Variants in TTC39B observed in about 807,000 individuals in gnomAD.
TTC39B encodes tetratricopeptide repeat protein 39B.
TTC39B carries 92 observed loss-of-function variants against 96.6 expected under a neutral mutation model. That is an observed-to-expected ratio of 0.95 (90% CI 0.80 to 1.13). The LOEUF is 1.13. Ranked by LOEUF, TTC39B falls within the 50% of genes most tolerant of loss-of-function variation. The pLI is 0.00. For synonymous variants in TTC39B, 367 were observed against 299.4 expected, an observed-to-expected ratio of 1.23 and a Z score of -2.33; for missense variants, 955 against 809.3, an observed-to-expected ratio of 1.18 and a Z score of -2.18.
chr9:15,287,731 G>A (rs1434987044), intron 1 of TTC39B, among the ~76,000 whole-genome samples: 1 of 152,046 alleles, frequency 6.6e-6, no homozygotes, highest in Non-Finnish European at 1.5e-5. Flanking sequence ...TGGCTCACAA[G>A]GTCAGGAGAT....
chr9:15,167,016 ATATATATATATATTTTTTTTTTTT>A (rs1442317937), exon 20 of TTC39B: 2 of 6,726 alleles, frequency 3.0e-4, no homozygotes, highest in East Asian at 9.1e-3. Flanking sequence ...ATATATATAT[ATATATATATATATTTTTTTTTTTT>A]TTTTTTTTTT....
chr9:15,273,633 G>A (rs953707131), intron 1 of TTC39B, among the ~76,000 whole-genome samples: 2 of 146,472 alleles, frequency 1.4e-5, no homozygotes, highest in Admixed American at 1.3e-4. Flanking sequence ...AGGGCTTGCA[G>A]ATACCTTCCT....
intron 16 of TTC39B, chr9:15,183,407 G>C (rs1818347949): frequency 2.4e-6 from 1 of 416,204 alleles, no homozygotes; most frequent in Admixed American, 2.8e-5. Flanking sequence ...ATCAGAAGAG[G>C]GCAAGCTCAT....
chr9:15,297,009 GAAAAAA>G (rs1563796961), intron 1 of TTC39B, among the ~76,000 whole-genome samples: 2 of 110,708 alleles, frequency 1.8e-5, no homozygotes, highest in Non-Finnish European at 3.4e-5. Flanking sequence ...GAAAAGAAAA[GAAAAAA>G]GAAAAGCCAA....
intron 17 of TTC39B, among the ~76,000 whole-genome samples, chr9:15,178,636 G>A (rs1818088153): frequency 6.6e-6 from 1 of 152,172 alleles, no homozygotes; most frequent in African/African-American, 2.4e-5. Context: ...TTATTAAGGA[G>A]TTCACTCTAT....
intron 17 of TTC39B, among the ~76,000 whole-genome samples, chr9:15,181,887 A>G (rs1818267242): frequency 6.6e-6 from 1 of 152,082 alleles, no homozygotes; most frequent in African/African-American, 2.4e-5. Flanking sequence ...TTTTTAGGAT[A>G]TTCACAGAGT....
At chr9:15,182,562 T>TA (rs1426962019) in intron 16 of TTC39B, 147 bp from the exon 17 acceptor site, 3 of 507,982 alleles carry the variant, frequency 5.9e-6, no homozygotes, top group Non-Finnish European at 1.0e-5. Context: ...CTTTTGCCTT[T>TA]TATACTGTGA....
At chr9:15,208,613 T>A (rs1012753563) in intron 6 of TTC39B, among the ~76,000 whole-genome samples, 1 of 152,198 alleles carries the variant, frequency 6.6e-6, no homozygotes, top group East Asian at 1.9e-4. Flanking sequence ...TGCAGACACA[T>A]TCTATCCGAA....
intron 1 of TTC39B, among the ~76,000 whole-genome samples, chr9:15,305,672 C>T (rs1190157390): frequency 6.6e-6 from 1 of 150,692 alleles, no homozygotes; most frequent in African/African-American, 2.4e-5. Context: ...AACCTAACTT[C>T]CCTCCTCATC....
chr9:15,206,244 C>T (rs553030117), intron 6 of TTC39B, among the ~76,000 whole-genome samples: 1 of 151,894 alleles, frequency 6.6e-6, no homozygotes, highest in Non-Finnish European at 1.5e-5. Context: ...GGCAATCCGC[C>T]AGCCACAAGA....
intron 2 of TTC39B, chr9:15,249,173 T>C (rs1822417465): frequency 6.6e-6 from 1 of 152,178 alleles, no homozygotes; most frequent in Non-Finnish European, 1.5e-5. Context: ...GATACAATTC[T>C]AACGTCCAGG....
At chr9:15,297,420 G>C (rs888517517) in intron 1 of TTC39B, among the ~76,000 whole-genome samples, 1 of 152,168 alleles carries the variant, frequency 6.6e-6, no homozygotes, top group African/African-American at 2.4e-5. Context: ...GTAAAGACTT[G>C]GTCTGGAAAC....
At chr9:15,189,037 T>C (rs1230710712) in intron 13 of TTC39B, among the ~76,000 whole-genome samples, 1 of 152,092 alleles carries the variant, frequency 6.6e-6, no homozygotes, top group African/African-American at 2.4e-5. Flanking sequence ...CCAAGACATA[T>C]TGTAAACAGT....
chr9:15,216,810 G>T (rs1427922885), intron 3 of TTC39B, among the ~76,000 whole-genome samples: 1 of 152,200 alleles, frequency 6.6e-6, no homozygotes, highest in Non-Finnish European at 1.5e-5. Flanking sequence ...AAGACACACA[G>T]GAACCCAGGC....
intron 19 of TTC39B, 57 bp downstream of exon 19, chr9:15,174,962 C>T: frequency 9.7e-7 from 1 of 1,034,626 alleles, no homozygotes; most frequent in Non-Finnish European, 1.5e-6. Context: ...GTTGTTAGAG[C>T]AGTACTGACA....
chr9:15,167,021 TA>T (rs1564299955), exon 20 of TTC39B: 52 of 11,596 alleles, frequency 4.5e-3, no homozygotes, highest in Non-Finnish European at 5.1e-3. Flanking sequence ...TATATATATA[TA>T]TATATATTTT....
intron 1 of TTC39B, among the ~76,000 whole-genome samples, chr9:15,281,255 C>G (rs542070629): frequency 3.3e-5 from 5 of 152,238 alleles, no homozygotes; most frequent in Admixed American, 2.6e-4. Context: ...TATTCATCAC[C>G]TGTAAAATGG....
At chr9:15,183,741 T>C (rs1364887138) in intron 16 of TTC39B, among the ~76,000 whole-genome samples, 5 of 152,234 alleles carry the variant, frequency 3.3e-5, no homozygotes, top group South Asian at 2.1e-4. Flanking sequence ...AAGGCTCTAA[T>C]TGGTTAAGCA....
chr9:15,195,043 C>T (rs924079220), intron 8 of TTC39B, among the ~76,000 whole-genome samples: 4 of 152,302 alleles, frequency 2.6e-5, no homozygotes, highest in Non-Finnish European at 5.9e-5. Context: ...ATGTCAAAAG[C>T]CAAGACAGGC....
Sources: gnomAD v4.1 joint callset for allele counts (sites outside exome capture counted in the v4.1 genomes callset) on GRCh38, gnomAD v4.1.1 for gene constraint, MANE v1.5 for transcripts, NCBI Gene and HGNC (gene_info 2026-07-23, HGNC 2026-07-21) for gene names.